Variants in CAMK1D observed in about 807,000 individuals in gnomAD.
CAMK1D encodes calcium/calmodulin dependent protein kinase ID, also known as calcium/calmodulin-dependent protein kinase type 1D.
Under a neutral mutation model 47.7 loss-of-function variants are expected in CAMK1D, and 9 were observed. That is an observed-to-expected ratio of 0.19 (90% CI 0.11 to 0.33). The LOEUF (loss-of-function observed/expected upper bound fraction) is 0.33, where lower values mean the gene tolerates loss of function less well. CAMK1D is among the 10% of genes least tolerant of loss of function. CAMK1D has a pLI of 1.00. For synonymous variants in CAMK1D, 184 were observed against 184.9 expected (o/e 0.99, Z 0.04); for missense variants, 291 against 488.7 (o/e 0.60, Z 3.81).
intron 1 of CAMK1D, among the ~76,000 whole-genome samples, chr10:12,508,014 T>C (rs111419795): frequency 0.013 from 1,958 of 152,278 alleles, 37 homozygotes; most frequent in East Asian, 0.071. Context: ...GTCCTGTCCC[T>C]GGCGCGTTGA....
intron 1 of CAMK1D, among the ~76,000 whole-genome samples, chr10:12,513,810 C>T (rs559626689): frequency 1.3e-3 from 192 of 152,014 alleles, no homozygotes; most frequent in African/African-American, 4.4e-3. Context: ...AAAACAAAAG[C>T]GAAATCAAAA....
At chr10:12,556,037 C>T (rs530181182) in intron 2 of CAMK1D, among the ~76,000 whole-genome samples, 8 of 152,238 alleles carry the variant, frequency 5.3e-5, no homozygotes, top group East Asian at 1.9e-4. Flanking sequence ...GTTCAGTATC[C>T]GCTGCTGGAG....
At chr10:12,734,783 T>A (rs1304753174) in intron 3 of CAMK1D, among the ~76,000 whole-genome samples, 1 of 152,016 alleles carries the variant, frequency 6.6e-6, no homozygotes, top group Admixed American at 6.6e-5. Context: ...AAATTTGCTT[T>A]CTCTTTCTTT....
At chr10:12,623,787 T>C (rs1030837863) in intron 2 of CAMK1D, among the ~76,000 whole-genome samples, 23 of 151,986 alleles carry the variant, frequency 1.5e-4, no homozygotes, top group African/African-American at 5.6e-4. Context: ...CCTTTTAAAT[T>C]GCAATTAAGG....
chr10:12,657,404 A>G (rs1159979448), intron 2 of CAMK1D, among the ~76,000 whole-genome samples: 1 of 139,602 alleles, frequency 7.2e-6, no homozygotes, highest in Non-Finnish European at 1.6e-5. Context: ...CAGCCTAGTG[A>G]TGGAGAGAGA....
intron 2 of CAMK1D, among the ~76,000 whole-genome samples, chr10:12,565,236 A>C (rs1052697016): frequency 6.7e-6 from 1 of 149,408 alleles, no homozygotes; most frequent in Non-Finnish European, 1.5e-5. Context: ...ACCTACATAC[A>C]TCTCCGTATT....
chr10:12,707,320 T>G (rs1307533165), intron 3 of CAMK1D, among the ~76,000 whole-genome samples: 1 of 152,236 alleles, frequency 6.6e-6, no homozygotes, highest in Non-Finnish European at 1.5e-5. Context: ...GTGTTTTTGT[T>G]TTGAATATGT....
At chr10:12,463,984 A>G (rs1042295416) in intron 1 of CAMK1D, among the ~76,000 whole-genome samples, 2 of 151,900 alleles carry the variant, frequency 1.3e-5, no homozygotes, top group African/African-American at 4.8e-5. Flanking sequence ...CTCTTCCACC[A>G]TGATTGTAAG....
chr10:12,788,892 G>T (rs1055881837), intron 5 of CAMK1D, among the ~76,000 whole-genome samples: 1 of 152,212 alleles, frequency 6.6e-6, no homozygotes, highest in Non-Finnish European at 1.5e-5. Context: ...ATGTGCAGAT[G>T]TATTTATTTT....
chr10:12,369,827 G>A (rs1432841496), intron 1 of CAMK1D, among the ~76,000 whole-genome samples: 1 of 151,434 alleles, frequency 6.6e-6, no homozygotes, highest in Non-Finnish European at 1.5e-5. Context: ...GTGGTGGCGC[G>A]TGCCTATAAT....
At chr10:12,813,732 G>A (rs7095781) in intron 6 of CAMK1D, among the ~76,000 whole-genome samples, 7,132 of 151,984 alleles carry the variant, frequency 0.047, 510 homozygotes, top group African/African-American at 0.15. Flanking sequence ...TGCAACACAC[G>A]CGGTACAGAT....
At chr10:12,707,259 A>G (rs1256738164) in intron 3 of CAMK1D, among the ~76,000 whole-genome samples, 1 of 152,196 alleles carries the variant, frequency 6.6e-6, no homozygotes, top group Non-Finnish European at 1.5e-5. Flanking sequence ...AGGCCTGACT[A>G]ATTAAGGTTT....
At chr10:12,705,114 A>C (rs1388195625) in intron 3 of CAMK1D, among the ~76,000 whole-genome samples, 2 of 152,180 alleles carry the variant, frequency 1.3e-5, no homozygotes, top group Non-Finnish European at 2.9e-5. Context: ...TGGATACTGA[A>C]ATCAATTTGG....
chr10:12,766,642 G>A (rs559722647), intron 4 of CAMK1D, among the ~76,000 whole-genome samples: 7 of 152,182 alleles, frequency 4.6e-5, no homozygotes, highest in Admixed American at 1.3e-4. Flanking sequence ...AAGCCTTGCC[G>A]AGGACTCTTT....
At chr10:12,413,557 G>A in intron 1 of CAMK1D, among the ~76,000 whole-genome samples, 1 of 104,298 alleles carries the variant, frequency 9.6e-6, no homozygotes, top group African/African-American at 3.4e-5. Flanking sequence ...TGGTGATAAT[G>A]ATGATGATGA....
At chr10:12,458,617 TGAG>T (rs1833330251) in intron 1 of CAMK1D, among the ~76,000 whole-genome samples, 2 of 151,884 alleles carry the variant, frequency 1.3e-5, no homozygotes, top group South Asian at 2.1e-4. Context: ...TTTGTAGAAA[TGAG>T]GTCTCACTGT....
chr10:12,366,659 A>T, intron 1 of CAMK1D, among the ~76,000 whole-genome samples: 1 of 146,720 alleles, frequency 6.8e-6, no homozygotes, highest in Non-Finnish European at 1.5e-5. Flanking sequence ...ACTATGTCTT[A>T]AAAAAAAAAA....
intron 1 of CAMK1D, among the ~76,000 whole-genome samples, chr10:12,479,918 C>T (rs988025385): frequency 1.3e-5 from 2 of 152,182 alleles, no homozygotes; most frequent in Admixed American, 1.3e-4. Flanking sequence ...CAACGACGTC[C>T]TGGATACATG....
At chr10:12,365,060 G>A (rs965179546) in intron 1 of CAMK1D, among the ~76,000 whole-genome samples, 1 of 151,258 alleles carries the variant, frequency 6.6e-6, no homozygotes, top group Admixed American at 6.6e-5. Flanking sequence ...AGGTTCAAGC[G>A]ATTCTCCTGC....
Sources: gnomAD v4.1 joint callset for allele counts (sites outside exome capture counted in the v4.1 genomes callset) on GRCh38, gnomAD v4.1.1 for gene constraint, MANE v1.5 for transcripts, NCBI Gene and HGNC (gene_info 2026-07-23, HGNC 2026-07-21) for gene names.